Variants in VPS41 observed in about 807,000 individuals in gnomAD.
VPS41 encodes the protein vacuolar protein sorting-associated protein 41 homolog.
Under a neutral mutation model 130.9 loss-of-function variants are expected in VPS41, and 85 were observed. That is an observed-to-expected ratio of 0.65 (90% CI 0.55 to 0.78). The LOEUF is 0.78. Ranked by LOEUF, VPS41 falls within the 30% of genes least tolerant of loss-of-function variation. The probability of loss-of-function intolerance (pLI) is 0.00; values close to 1 mark genes in which losing one functional copy is unlikely to be tolerated. For missense variants in VPS41, 874 were observed against 1,018.7 expected (o/e 0.86, Z 1.93); for synonymous variants, 335 against 332.9 (o/e 1.01, Z -0.07).
intron 4 of VPS41, among the ~76,000 whole-genome samples, chr7:38,846,245 C>A (rs1002276104): frequency 6.6e-6 from 1 of 152,142 alleles, no homozygotes; most frequent in Non-Finnish European, 1.5e-5. Flanking sequence ...CATTGCAAAC[C>A]ATTGTTTATA....
intron 7 of VPS41, among the ~76,000 whole-genome samples, chr7:38,817,031 C>G (rs1052027129): frequency 3.9e-5 from 6 of 152,140 alleles, no homozygotes; most frequent in Admixed American, 6.6e-5. Flanking sequence ...AGTGAGCCAC[C>G]ATTATGCCCA....
At chr7:38,802,959 C>T (rs1340295327) in intron 7 of VPS41, among the ~76,000 whole-genome samples, 2 of 152,164 alleles carry the variant, frequency 1.3e-5, no homozygotes, top group East Asian at 3.8e-4. Context: ...AAGCTGTTTC[C>T]AAGAGGTCTA....
chr7:38,794,917 T>G (rs189495283), intron 9 of VPS41, among the ~76,000 whole-genome samples: 1 of 152,318 alleles, frequency 6.6e-6, no homozygotes, highest in Admixed American at 6.5e-5. Context: ...ACAGAACAGC[T>G]AAATTTCATT....
chr7:38,728,231 A>G, intron 27 of VPS41: 1 of 544,014 alleles, frequency 1.8e-6, no homozygotes, highest in African/African-American at 1.9e-5. Flanking sequence ...ACTTGTTAGA[A>G]ATATACATTC....
In VPS41 at chr7:38,756,917, A is replaced by C; in HGVS notation, c.1616T>G (p.Val539Gly). Residue 539 changes from valine (V) to glycine (G), a missense_variant, in exon 19 of 29, where the codon GTT becomes GGT. Val to Gly is a moderately radical substitution (Grantham distance 109). Transcript: ENST00000310301. ...ATTATGCTTGTGGATCAACTGAAAAACGTCTTTATGTCTTAATGTTAAGTA... is the reference window on the plus strand; with the variant it reads ...ATTATGCTTGTGGATCAACTGAAAACCGTCTTTATGTCTTAATGTTAAGTA... Reference protein sequence around the residue: ...EIYLTLRHKDVFQLIHKHNLF... With the variant: ...EIYLTLRHKDGFQLIHKHNLF... The C allele has an allele frequency of 1.2e-6, 2 of 1,601,002 alleles. No homozygotes were observed. Among genetic ancestry groups the C allele is most frequent in the Non-Finnish European group, 1.7e-6 (2 of 1,169,044 alleles).
chr7:38,804,103 T>C lies in VPS41; in HGVS notation c.451-7239A>G, dbSNP rs376794325. ...ACGGAAAACCTCTGTGCACAAGGGT[T>C]CCTAGAGCCCACTCAAATGCCACTT... is the stretch of plus-strand genomic sequence containing the variant. On this transcript the variant is annotated intron_variant, in intron 7 of 28. Coordinates refer to ENST00000310301, the MANE Select transcript of VPS41 (RefSeq NM_014396.4). 5.4e-4 allele frequency among the ~76,000 whole-genome samples: 82 copies of C among 152,316 alleles called. 1 individual carries two copies. The highest frequency in any genetic ancestry group is 1.8e-3 in the African/African-American group (75 of 41,560).
chr7:38,741,930 T>G (rs1795887941), intron 25 of VPS41, 55 bp downstream of exon 25: 4 of 1,591,344 alleles, frequency 2.5e-6, no homozygotes, highest in Non-Finnish European at 3.4e-6. Flanking sequence ...GAAATATTTA[T>G]CCAGTACTAA....
chr7:38,821,506 G>A (rs1785170677), intron 5 of VPS41, among the ~76,000 whole-genome samples: 1 of 152,058 alleles, frequency 6.6e-6, no homozygotes, highest in South Asian at 2.1e-4. Context: ...GTCAGGAGTT[G>A]AAGACCACCC....
intron 4 of VPS41, among the ~76,000 whole-genome samples, chr7:38,836,233 C>T (rs1321748472): frequency 3.3e-5 from 5 of 151,900 alleles, no homozygotes; most frequent in Admixed American, 2.6e-4. Flanking sequence ...TGCTGTTGAT[C>T]TACTTTTATC....
At chr7:38,822,596 T>C (rs1259138372) in intron 5 of VPS41, among the ~76,000 whole-genome samples, 1 of 152,234 alleles carries the variant, frequency 6.6e-6, no homozygotes, top group Non-Finnish European at 1.5e-5. Context: ...ACTTAGGTTG[T>C]TTCCAGATTG....
chr7:38,889,179 C>T (rs1001868430), intron 2 of VPS41, among the ~76,000 whole-genome samples: 1 of 140,380 alleles, frequency 7.1e-6, no homozygotes, highest in African/African-American at 2.9e-5. Flanking sequence ...CATGTTATTA[C>T]AGTTCCACAG....
rs1785087377 is a variant in VPS41, at chr7:38,817,852, A to G, written c.415T>C (p.Ser139Pro). Residue 139 changes from serine to proline, a missense_variant, in exon 7 of 29, where the codon TCC (serine) becomes CCC (proline). By Grantham distance (74) the Ser-to-Pro change is moderately conservative. Coordinates refer to ENST00000310301, the MANE Select transcript of VPS41 (RefSeq NM_014396.4). ...CCGGTCACAAACTGCTTGCAACTGGATCTCACGAAATGTGGGTGCACAGCA... is the reference window on the plus strand; with the variant it reads ...CCGGTCACAAACTGCTTGCAACTGGGTCTCACGAAATGTGGGTGCACAGCA... ...IIAVHPHFVR[S>P]SCKQFVTGGK... is the part of the protein sequence containing the mutation. 2.5e-6 allele frequency: 4 copies of G among 1,614,108 alleles called. No homozygotes were observed. Among genetic ancestry groups the G allele is most frequent in the African/African-American group, 2.7e-5 (2 of 75,054 alleles).
At chr7:38,789,495 C>T (rs907404510) in intron 10 of VPS41, among the ~76,000 whole-genome samples, 1 of 152,036 alleles carries the variant, frequency 6.6e-6, no homozygotes, top group Admixed American at 6.5e-5. Flanking sequence ...CAAGGAGAAG[C>T]TTGGCATAAG....
At chr7:38,731,312 C>G (rs867454920) in intron 25 of VPS41, among the ~76,000 whole-genome samples, 94 of 152,274 alleles carry the variant, frequency 6.2e-4, no homozygotes, top group Middle Eastern at 3.4e-3. Context: ...CTTTCAACAT[C>G]AGACATAGGA....
intron 23 of VPS41, among the ~76,000 whole-genome samples, chr7:38,743,798 G>A (rs1039377176): frequency 6.6e-6 from 1 of 152,026 alleles, no homozygotes; most frequent in Non-Finnish European, 1.5e-5. Flanking sequence ...ACAACCCTAT[G>A]AGGCATGTTC....
chr7:38,875,020 G>C (rs551762531), intron 2 of VPS41, among the ~76,000 whole-genome samples: 2 of 152,206 alleles, frequency 1.3e-5, no homozygotes, highest in Admixed American at 6.5e-5. Context: ...CTATTAAGAG[G>C]AGAGAATAGA....
intron 2 of VPS41, among the ~76,000 whole-genome samples, chr7:38,883,793 T>C (rs535700738): frequency 1.1e-4 from 16 of 152,298 alleles, no homozygotes; most frequent in African/African-American, 3.1e-4. Flanking sequence ...AGGGGCGTAA[T>C]AGAGATTCAA....
At chr7:38,795,435 C>A in intron 9 of VPS41, 30 bp downstream of exon 9, 2 of 1,598,272 alleles carry the variant, frequency 1.3e-6, no homozygotes, top group South Asian at 1.1e-5. Flanking sequence ...TATAACAACA[C>A]GGACTTATTA....
chr7:38,830,189 G>C, intron 5 of VPS41, 65 bp downstream of exon 5: 1 of 966,700 alleles, frequency 1.0e-6, no homozygotes, highest in East Asian at 2.4e-5. Context: ...AGTAAGCAAG[G>C]TGCTGTTCCG....
Sources: gnomAD v4.1 joint callset for allele counts (sites outside exome capture counted in the v4.1 genomes callset) on GRCh38, gnomAD v4.1.1 for gene constraint, MANE v1.5 for transcripts, NCBI Gene and HGNC (gene_info 2026-07-23, HGNC 2026-07-21) for gene names.